Variants in UBR3 observed in about 807,000 individuals in gnomAD.
UBR3 encodes the protein E3 ubiquitin-protein ligase UBR3.
In UBR3, 85 loss-of-function variants were observed where a neutral mutation model predicts 243.2. The ratio of observed to expected loss-of-function variants is 0.35; its 90% CI spans 0.29 to 0.42. The LOEUF (loss-of-function observed/expected upper bound fraction) is 0.42. UBR3 is among the 10% of genes least tolerant of loss of function. The pLI is 1.00. For missense variants in UBR3, 1,686 were observed against 2,300.8 expected (o/e 0.73, Z 5.47); for synonymous variants, 748 against 799.8 (o/e 0.94, Z 1.09).
intron 35 of UBR3, among the ~76,000 whole-genome samples, chr2:170,065,501 C>T (rs1006144374): frequency 1.3e-5 from 2 of 152,070 alleles, no homozygotes; most frequent in East Asian, 3.9e-4. Context: ...GTTGGTCAGG[C>T]GGGCTGGTCT....
chr2:170,062,018 T>G (rs2091468030), intron 35 of UBR3, among the ~76,000 whole-genome samples: 1 of 152,210 alleles, frequency 6.6e-6, no homozygotes, highest in South Asian at 2.1e-4. Flanking sequence ...GACCATAGGA[T>G]TCAGTCTTAT....
chr2:169,851,557 A>G (rs1374207983), intron 1 of UBR3, among the ~76,000 whole-genome samples: 1 of 152,190 alleles, frequency 6.6e-6, no homozygotes, highest in Non-Finnish European at 1.5e-5. Flanking sequence ...AAGATAATAG[A>G]GAATCTTACT....
At chr2:169,890,477 C>CT (rs1191755116) in intron 5 of UBR3, among the ~76,000 whole-genome samples, 2 of 147,008 alleles carry the variant, frequency 1.4e-5, no homozygotes, top group Non-Finnish European at 1.5e-5. Flanking sequence ...ATCCCTTACC[C>CT]TTTTTTTTCC....
chr2:170,048,723 T>C (rs1484817398), intron 32 of UBR3, among the ~76,000 whole-genome samples: 1 of 152,148 alleles, frequency 6.6e-6, no homozygotes, highest in East Asian at 1.9e-4. Context: ...TTTTTTCTTT[T>C]AAGTGAAAAG....
intron 35 of UBR3, among the ~76,000 whole-genome samples, chr2:170,065,128 C>T (rs1333536668): frequency 6.6e-6 from 1 of 152,176 alleles, no homozygotes; most frequent in Admixed American, 6.5e-5. Flanking sequence ...CAGGCGTGAG[C>T]CACCACACCC....
At chr2:170,026,635 G>T (rs1390306551) in intron 30 of UBR3, among the ~76,000 whole-genome samples, 1 of 152,040 alleles carries the variant, frequency 6.6e-6, no homozygotes, top group Non-Finnish European at 1.5e-5. Flanking sequence ...GCTTATAAAT[G>T]AATTTAAAGG....
intron 4 of UBR3, 42 bp from the exon 5 acceptor site, chr2:169,878,482 TG>T: frequency 6.6e-7 from 1 of 1,519,018 alleles, no homozygotes; most frequent in Non-Finnish European, 8.9e-7. Flanking sequence ...TAAAGCAATA[TG>T]TAGCAACTAT....
At chr2:170,065,221 T>C (rs1401734814) in intron 35 of UBR3, among the ~76,000 whole-genome samples, 4 of 152,244 alleles carry the variant, frequency 2.6e-5, no homozygotes, top group Admixed American at 2.6e-4. Context: ...TGGAATTATC[T>C]TCAATTTATA....
At chr2:169,832,466 C>T (rs1194750741) in intron 1 of UBR3, among the ~76,000 whole-genome samples, 1 of 151,980 alleles carries the variant, frequency 6.6e-6, no homozygotes, top group Non-Finnish European at 1.5e-5. Context: ...AGGAGAATGG[C>T]GTGAACCCGG....
chr2:169,939,451 TAG>T (rs1239915308), intron 19 of UBR3, among the ~76,000 whole-genome samples: 2 of 137,736 alleles, frequency 1.5e-5, no homozygotes, highest in Admixed American at 1.5e-4. Context: ...TTTTTTTTAG[TAG>T]AGACAGGCCT....
At chr2:169,828,814 A>G (rs1407904140) in intron 1 of UBR3, among the ~76,000 whole-genome samples, 2 of 152,184 alleles carry the variant, frequency 1.3e-5, no homozygotes, top group Non-Finnish European at 2.9e-5. Flanking sequence ...CACTTTGTTC[A>G]CTCACTGATA....
chr2:169,956,879 A>T (rs1169734039), intron 23 of UBR3, among the ~76,000 whole-genome samples: 8 of 152,118 alleles, frequency 5.3e-5, no homozygotes, highest in African/African-American at 1.9e-4. Context: ...ATAGACTCTC[A>T]GTTTAACATA....
chr2:170,062,532 T>G (rs1324314027), intron 35 of UBR3, among the ~76,000 whole-genome samples: 1 of 152,230 alleles, frequency 6.6e-6, no homozygotes, highest in African/African-American at 2.4e-5. Context: ...AACAAATTCT[T>G]AGAATAATCA....
chr2:170,058,975 C>T (rs894963789), intron 33 of UBR3, among the ~76,000 whole-genome samples: 1 of 152,254 alleles, frequency 6.6e-6, no homozygotes, highest in Admixed American at 6.5e-5. Context: ...TTGCATCTCT[C>T]GACCCTTGAT....
At chr2:170,049,517 G>T (rs1255216780) in intron 32 of UBR3, among the ~76,000 whole-genome samples, 2 of 152,154 alleles carry the variant, frequency 1.3e-5, no homozygotes, top group Non-Finnish European at 2.9e-5. Context: ...ATCCCCTGGG[G>T]TCTTGGAGTG....
At chr2:170,005,796 G>T (rs2089892738) in intron 27 of UBR3, among the ~76,000 whole-genome samples, 1 of 152,150 alleles carries the variant, frequency 6.6e-6, no homozygotes, top group Non-Finnish European at 1.5e-5. Context: ...GGAAGATGCA[G>T]GACTTGGAGT....
chr2:169,992,206 C>CTA (rs1186849612), intron 25 of UBR3, among the ~76,000 whole-genome samples: 1 of 151,986 alleles, frequency 6.6e-6, no homozygotes, highest in East Asian at 1.9e-4. Context: ...ACCAAATGGA[C>CTA]CCAAGAAGTA....
intron 33 of UBR3, among the ~76,000 whole-genome samples, chr2:170,059,585 T>A (rs1052335207): frequency 4.6e-5 from 7 of 152,220 alleles, no homozygotes; most frequent in Admixed American, 1.3e-4. Context: ...TAGCGAGATA[T>A]TGATTCTTGT....
intron 11 of UBR3, 36 bp downstream of exon 11, chr2:169,914,182 G>C (rs1454489708): frequency 2.5e-6 from 3 of 1,206,492 alleles, no homozygotes; most frequent in Non-Finnish European, 3.4e-6. Context: ...ATTTTTTGAT[G>C]TATGTAAAGA....
Sources: gnomAD v4.1 joint callset for allele counts (sites outside exome capture counted in the v4.1 genomes callset) on GRCh38, gnomAD v4.1.1 for gene constraint, MANE v1.5 for transcripts, NCBI Gene and HGNC (gene_info 2026-07-23, HGNC 2026-07-21) for gene names.